The following GNAL variants were observed in gnomAD, a reference collection of about 807,000 sequenced individuals.
GNAL encodes the protein G protein subunit alpha L, also known as guanine nucleotide-binding protein G(olf) subunit alpha.
GNAL carries 18 observed loss-of-function variants against 55.1 expected under a neutral mutation model. The observed-to-expected ratio is 0.33, with a 90% CI of 0.23 to 0.48. GNAL has a LOEUF of 0.48. Ranked by LOEUF, GNAL falls within the 20% of genes least tolerant of loss-of-function variation. The pLI, the probability that GNAL is intolerant of heterozygous loss-of-function variation, is 0.99. For synonymous variants in GNAL, 253 were observed against 237.0 expected (o/e 1.07, Z -0.62); for missense variants, 412 against 614.1 (o/e 0.67, Z 3.48).
intron 5 of GNAL, among the ~76,000 whole-genome samples, chr18:11,847,569 T>G (rs2035767175): frequency 6.6e-6 from 1 of 152,196 alleles, no homozygotes; most frequent in Admixed American, 6.5e-5. Flanking sequence ...CCCCATTTCA[T>G]GATAAAAATA....
chr18:11,806,158 G>T (rs891633804), intron 4 of GNAL, among the ~76,000 whole-genome samples: 1 of 152,122 alleles, frequency 6.6e-6, no homozygotes, highest in Non-Finnish European at 1.5e-5. Flanking sequence ...TTTTAAAAGT[G>T]TCTATTCATG....
In GNAL at chr18:11,752,401, C is replaced by G; in HGVS notation, c.377-452C>G. 1 of 1,588,300 alleles carries G rather than the reference C, an allele frequency of 6.3e-7. No individual in the cohort carries two copies. Among genetic ancestry groups the G allele is most frequent in the Non-Finnish European group, 8.5e-7 (1 of 1,170,522 alleles). Reference sequence around the variant, plus strand: ...TCTCTATTGCTTTTTGCGCACATTCCTAACTTCCTGACGTCCATCCCAGCG... The same window carrying G: ...TCTCTATTGCTTTTTGCGCACATTCGTAACTTCCTGACGTCCATCCCAGCG... On this transcript the variant is annotated intron_variant, in intron 1 of 11. Coordinates refer to ENST00000334049, the MANE Select transcript of GNAL (RefSeq NM_182978.4). This position sits in a 1 kb window ranked among gnomAD's most constrained non-coding sequence, Gnocchi z 4.5.
intron 4 of GNAL, among the ~76,000 whole-genome samples, chr18:11,783,354 T>C (rs571515491): frequency 1.5e-4 from 23 of 152,304 alleles, no homozygotes; most frequent in African/African-American, 5.5e-4. Context: ...GCTGTGAGGG[T>C]TAAACAAGTT....
At chr18:11,870,934 A>G (rs76755827) in intron 9 of GNAL, among the ~76,000 whole-genome samples, 9,022 of 152,284 alleles carry the variant, frequency 0.059, 454 homozygotes, top group African/African-American at 0.13. Context: ...ACAGAAGGAT[A>G]CTATAGAGTT....
chr18:11,737,682 T>C lies in GNAL; in HGVS notation c.377-15171T>C, dbSNP rs892935347. ...GCAGGTTTCCATCCGCACAGGGTCA[T>C]CTGACCAGAGTAGCCATGGGGACTG... is the stretch of plus-strand genomic sequence containing the variant. On this transcript the variant is annotated intron_variant, in intron 1 of 11. Coordinates refer to ENST00000334049, the MANE Select transcript of GNAL (RefSeq NM_182978.4). Among the ~76,000 whole-genome samples the C allele has an allele frequency of 2.0e-5, 3 of 152,358 alleles. No homozygotes were observed. The East Asian group carries it at 5.8e-4, about 29-fold the overall frequency.
intron 4 of GNAL, among the ~76,000 whole-genome samples, chr18:11,779,388 A>T (rs984514750): frequency 6.6e-6 from 1 of 152,208 alleles, no homozygotes; most frequent in African/African-American, 2.4e-5. Context: ...TGAAGGCAGG[A>T]TGGAATAGCA....
chr18:11,840,069 A>G (rs1286716237), intron 5 of GNAL, among the ~76,000 whole-genome samples: 1 of 152,264 alleles, frequency 6.6e-6, no homozygotes, highest in African/African-American at 2.4e-5. Context: ...ACTAGGATCC[A>G]TGATATCAAC....
Position 11,810,648 on chromosome 18 carries a change from T to C in GNAL, c.625-14270T>C, listed in dbSNP as rs563129323. 8 of 152,352 alleles carry C rather than the reference T, an allele frequency of 5.3e-5. No homozygotes were observed. The South Asian group carries it at 1.4e-3, about 28-fold the overall frequency. The allele number at this position is 152,352 out of a possible 1,614,324, so 9.4% of individuals were successfully genotyped here. On this transcript the variant is annotated intron_variant, in intron 4 of 11. Coordinates refer to ENST00000334049, the MANE Select transcript of GNAL (RefSeq NM_182978.4). ...TAGCATCCCCTTACCCCACAGAGGA[T>C]TGAGGCTTGGTTTACAGCATGCAGC...
chr18:11,845,276 G>A (rs558337760), intron 5 of GNAL, among the ~76,000 whole-genome samples: 3 of 152,202 alleles, frequency 2.0e-5, no homozygotes, highest in Admixed American at 6.5e-5. Context: ...ACCGTATTAC[G>A]CCAGACGCAA....
chr18:11,845,595 C>G (rs943935315), intron 5 of GNAL, among the ~76,000 whole-genome samples: 3 of 151,220 alleles, frequency 2.0e-5, no homozygotes, highest in Non-Finnish European at 4.4e-5. Context: ...AGGAACCTGA[C>G]CAAAGGAGTA....
intron 1 of GNAL, among the ~76,000 whole-genome samples, chr18:11,740,858 A>C (rs1051125457): frequency 6.6e-6 from 1 of 152,232 alleles, no homozygotes; most frequent in Admixed American, 6.5e-5. Flanking sequence ...ACATAGACAA[A>C]TATGAAGCTC....
At chr18:11,852,404 G>A (rs1198134744) in intron 5 of GNAL, 2 of 357,870 alleles carry the variant, frequency 5.6e-6, no homozygotes, top group Admixed American at 4.6e-5. Flanking sequence ...GGTCAAAACT[G>A]TATTCAGTTT....
intron 4 of GNAL, among the ~76,000 whole-genome samples, chr18:11,811,083 G>C (rs7239927): frequency 6.6e-6 from 1 of 152,046 alleles, no homozygotes; most frequent in African/African-American, 2.4e-5. Context: ...ACCATGTGTT[G>C]CTCCCCTGCC....
intron 4 of GNAL, among the ~76,000 whole-genome samples, chr18:11,806,887 G>A (rs1474469402): frequency 2.0e-5 from 3 of 152,046 alleles, no homozygotes; most frequent in African/African-American, 4.8e-5. Context: ...CCTGCAGCTC[G>A]AGCTCCTGAC....
In GNAL at chr18:11,752,752, T is replaced by C; in HGVS notation, c.377-101T>C. ...CAGCCAGGAACCCGCGTGTAGGAAA[T>C]CCCCGTGCTGGGGGAGGAGGATTGC... On this transcript the variant is annotated intron_variant, in intron 1 of 11. Transcript: ENST00000334049. This position sits in a 1 kb window ranked among gnomAD's most constrained non-coding sequence, Gnocchi z 4.5. 1 of 1,152,132 alleles carries C rather than the reference T, an allele frequency of 8.7e-7. No individual in the cohort carries two copies. The highest frequency in any genetic ancestry group is 1.3e-6 in the Non-Finnish European group (1 of 778,356). 71.4% of individuals were successfully genotyped at this position (1,152,132 alleles called of 1,614,324 possible). A position where few individuals can be genotyped will look rare whatever the true frequency, so the allele number is the denominator to read the frequency against.
chr18:11,795,390 C>CAAAAAAAAAA (rs752221474), intron 4 of GNAL, among the ~76,000 whole-genome samples: 1 of 68,258 alleles, frequency 1.5e-5, no homozygotes. Flanking sequence ...GACCCTGTCT[C>CAAAAAAAAAA]AAAAAAAAAA....
At chr18:11,814,354 G>A (rs963947449) in intron 4 of GNAL, among the ~76,000 whole-genome samples, 2 of 151,870 alleles carry the variant, frequency 1.3e-5, no homozygotes, top group Non-Finnish European at 2.9e-5. Context: ...GTGAAACCCC[G>A]TCTCTATCAA....
chr18:11,872,621 G>C (rs938907123), intron 10 of GNAL, among the ~76,000 whole-genome samples: 1 of 152,128 alleles, frequency 6.6e-6, no homozygotes, highest in Non-Finnish European at 1.5e-5. Flanking sequence ...CATTGAAACC[G>C]TGCAGCAGAA....
chr18:11,851,886 G>C, intron 5 of GNAL: 1 of 1,613,994 alleles, frequency 6.2e-7, no homozygotes, highest in South Asian at 1.1e-5. Context: ...TTGAGACTCT[G>C]GACGTCCAGA....
Sources: gnomAD v4.1 joint callset for allele counts (sites outside exome capture counted in the v4.1 genomes callset) on GRCh38, gnomAD v4.1.1 for gene constraint, Gnocchi (gnomAD v3.1) non-coding constraint, MANE v1.5 for transcripts, NCBI Gene and HGNC (gene_info 2026-07-23, HGNC 2026-07-21) for gene names.